LRP6: variants seen among roughly 807,000 people sequenced by gnomAD.
The protein encoded by LRP6 is low-density lipoprotein receptor-related protein 6.
In LRP6, 43 loss-of-function variants were observed where a neutral mutation model predicts 184.1. The observed-to-expected ratio is 0.23, with a 90% CI of 0.18 to 0.30. The LOEUF is 0.30. Ranked by LOEUF, LRP6 falls within the 10% of genes least tolerant of loss-of-function variation. The pLI, the probability that LRP6 is intolerant of heterozygous loss-of-function variation, is 1.00. For synonymous variants in LRP6, 719 were observed against 684.9 expected, an observed-to-expected ratio of 1.05 and a Z score of -0.78; for missense variants, 1,571 against 2,005.3, an observed-to-expected ratio of 0.78 and a Z score of 4.14.
intron 10 of LRP6, 128 bp downstream of exon 10, chr12:12,162,065 A>T (rs1398687508): frequency 1.4e-6 from 1 of 738,858 alleles, no homozygotes; most frequent in Non-Finnish European, 2.3e-6. Flanking sequence ...TTAAAAGTTC[A>T]TCTATCATTT....
intron 1 of LRP6, among the ~76,000 whole-genome samples, chr12:12,251,369 A>AT (rs1392667293): frequency 1.3e-5 from 2 of 150,090 alleles, no homozygotes; most frequent in Non-Finnish European, 3.0e-5. Flanking sequence ...TGTCTTTTTG[A>AT]TTTTTGTTTT....
intron 16 of LRP6, among the ~76,000 whole-genome samples, chr12:12,136,657 AATAAC>A (rs1949844535): frequency 6.6e-6 from 1 of 152,224 alleles, no homozygotes; most frequent in Non-Finnish European, 1.5e-5. Flanking sequence ...TCTCTTCCAC[AATAAC>A]ATTGGTTCTG....
chr12:12,223,176 GAAAAAAAAA>G (rs35090683), intron 2 of LRP6, among the ~76,000 whole-genome samples: 2 of 115,226 alleles, frequency 1.7e-5, no homozygotes, highest in Non-Finnish European at 3.5e-5. Context: ...CATTTCATCA[GAAAAAAAAA>G]AAAAAAAAAA....
intron 15 of LRP6, among the ~76,000 whole-genome samples, chr12:12,146,558 A>T (rs1950009471): frequency 6.6e-6 from 1 of 152,234 alleles, no homozygotes; most frequent in Non-Finnish European, 1.5e-5. Flanking sequence ...AAGACGAACA[A>T]ATAATTTAAT....
intron 10 of LRP6, among the ~76,000 whole-genome samples, chr12:12,161,519 C>T (rs1172791231): frequency 1.3e-5 from 2 of 152,212 alleles, no homozygotes; most frequent in Non-Finnish European, 2.9e-5. Flanking sequence ...CTGCCCACGC[C>T]TCGGCCTCCC....
chr12:12,257,486 C>A (rs1418572243), intron 1 of LRP6, among the ~76,000 whole-genome samples: 2 of 149,084 alleles, frequency 1.3e-5, no homozygotes, highest in African/African-American at 5.0e-5. Context: ...GAAGCTGAGG[C>A]GGGAGAATGG....
At chr12:12,153,915 C>T (rs1178424728) in intron 12 of LRP6, among the ~76,000 whole-genome samples, 1 of 152,188 alleles carries the variant, frequency 6.6e-6, no homozygotes, top group African/African-American at 2.4e-5. Context: ...ATAGAATAAA[C>T]TATAAGGCCA....
chr12:12,134,748 G>C (rs1440083916), intron 17 of LRP6, among the ~76,000 whole-genome samples: 1 of 152,088 alleles, frequency 6.6e-6, no homozygotes, highest in Non-Finnish European at 1.5e-5. Flanking sequence ...TTTTGGGAGA[G>C]GGGGGAGGCT....
chr12:12,135,516 CAG>C (rs1949826381), intron 16 of LRP6, among the ~76,000 whole-genome samples: 1 of 137,274 alleles, frequency 7.3e-6, no homozygotes, highest in Non-Finnish European at 1.6e-5. Context: ...TATTTTGAGA[CAG>C]AGTCTTGCTC....
intron 8 of LRP6, 133 bp from the exon 9 acceptor site, chr12:12,164,695 T>A: frequency 1.3e-6 from 1 of 792,000 alleles, no homozygotes; most frequent in Non-Finnish European, 2.0e-6. Flanking sequence ...ATCTCAAGTT[T>A]CAATTCTAAT....
chr12:12,152,160 C>G (rs1354267256), intron 12 of LRP6, among the ~76,000 whole-genome samples: 1 of 152,066 alleles, frequency 6.6e-6, no homozygotes, highest in Non-Finnish European at 1.5e-5. Flanking sequence ...CTCATGAGAT[C>G]TGAAGGGGTT....
At chr12:12,201,166 T>C (rs1306238608) in intron 3 of LRP6, among the ~76,000 whole-genome samples, 3 of 152,182 alleles carry the variant, frequency 2.0e-5, no homozygotes, top group Non-Finnish European at 2.9e-5. Flanking sequence ...CCCATCTTTA[T>C]CTGAACCTTC....
At chr12:12,257,394 G>A (rs965158497) in intron 1 of LRP6, among the ~76,000 whole-genome samples, 6 of 151,838 alleles carry the variant, frequency 4.0e-5, no homozygotes, top group African/African-American at 7.2e-5. Context: ...TGGCTAACAC[G>A]GTAAAACCCC....
intron 13 of LRP6, 30 bp from the exon 14 acceptor site, chr12:12,149,183 T>G: frequency 1.9e-6 from 3 of 1,577,484 alleles, no homozygotes; most frequent in Non-Finnish European, 2.6e-6. Flanking sequence ...CAGAGAAAAT[T>G]AAACTCCAGG....
intron 2 of LRP6, among the ~76,000 whole-genome samples, chr12:12,213,245 T>G (rs1000080302): frequency 2.6e-5 from 4 of 152,176 alleles, no homozygotes; most frequent in African/African-American, 9.6e-5. Flanking sequence ...ACATGTATAC[T>G]CTTATATTTC....
chr12:12,234,492 T>C (rs976234999), intron 2 of LRP6, among the ~76,000 whole-genome samples: 1 of 151,000 alleles, frequency 6.6e-6, no homozygotes, highest in African/African-American at 2.4e-5. Context: ...CAAAAGAGCA[T>C]CTACTGTATG....
chr12:12,169,234 G>GATGATA (rs1555110242), intron 7 of LRP6, among the ~76,000 whole-genome samples: 7 of 148,706 alleles, frequency 4.7e-5, no homozygotes, highest in Admixed American at 2.0e-4. Context: ...GCCTCAAAAT[G>GATGATA]ATAATAATAA....
chr12:12,214,948 T>C (rs974631964), intron 2 of LRP6, among the ~76,000 whole-genome samples: 2 of 152,232 alleles, frequency 1.3e-5, no homozygotes, highest in African/African-American at 4.8e-5. Flanking sequence ...TTCATCATGA[T>C]TGCTTCCTTG....
Position 12,135,230 on chromosome 12 carries a change from T to C in LRP6, c.3678A>G (p.Thr1226=), listed in dbSNP as rs1382734453. Residue 1226 remains threonine (T), a synonymous_variant, in exon 17 of 23, where the codon ACA becomes ACG. Coordinates refer to ENST00000261349, the MANE Select transcript of LRP6 (RefSeq NM_002336.3). ...HICLVKGDGT[T]RCSCPMHLVL... ...CCAGGTGCATGGGGCAAGAACACCT[T>C]GTAGTACCATCCCCCTTTACAAGAC... The C allele has an allele frequency of 3.1e-6, 5 of 1,613,720 alleles. No homozygotes were observed. Among genetic ancestry groups the C allele is most frequent in the Non-Finnish European group, 4.2e-6 (5 of 1,179,832 alleles).
Sources: gnomAD v4.1 joint callset for allele counts (sites outside exome capture counted in the v4.1 genomes callset) on GRCh38, gnomAD v4.1.1 for gene constraint, MANE v1.5 for transcripts, NCBI Gene and HGNC (gene_info 2026-07-23, HGNC 2026-07-21) for gene names.